Variants in ZNF829 observed in about 807,000 individuals in gnomAD.
The protein encoded by ZNF829 is zinc finger protein 829.
ZNF829 carries 25 observed loss-of-function variants against 35.2 expected under a neutral mutation model. That is an observed-to-expected ratio of 0.71 (90% CI 0.52 to 0.99). The LOEUF is 0.99. Ranked by LOEUF, ZNF829 falls within the 50% of genes least tolerant of loss-of-function variation. The probability of loss-of-function intolerance (pLI) is 0.00; values close to 1 mark genes in which losing one functional copy is unlikely to be tolerated. For synonymous variants in ZNF829, 136 were observed against 163.2 expected (o/e 0.83, Z 1.27); for missense variants, 417 against 515.3 (o/e 0.81, Z 1.85).
At chr19:36,897,805 A>C (rs1192840003) in intron 5 of ZNF829, among the ~76,000 whole-genome samples, 1 of 152,232 alleles carries the variant, frequency 6.6e-6, no homozygotes, top group Non-Finnish European at 1.5e-5. Context: ...AAACCTAAAG[A>C]TGCCACCAGA....
rs756833731 is a variant in ZNF829, at chr19:36,891,580, C to T, written c.1211G>A (p.Gly404Asp). The change falls in exon 6 of 6, where the codon GGT becomes GAT. Residue 404 changes from glycine (G) to aspartate (D), a missense_variant. Gly to Asp is a moderately conservative substitution (Grantham distance 94). Transcript: ENST00000391711. ...NLTRHQRIHT[G>D]EKPYDCKECG... is the part of the protein sequence containing the mutation. ...TTCCTTACAGTCATAGGGTTTCTCA[C>T]CAGTGTGAATTCTCTGATGTCGAGT... The T allele has an allele frequency of 1.2e-6, 2 of 1,613,432 alleles. No individual in the cohort carries two copies. Among genetic ancestry groups the T allele is most frequent in the South Asian group, 1.1e-5 (1 of 90,998 alleles).
At chr19:36,899,684 ACTATAGTTAGTAATACT>A (rs1256485354) in intron 5 of ZNF829, among the ~76,000 whole-genome samples, 3 of 151,286 alleles carry the variant, frequency 2.0e-5, no homozygotes, top group Non-Finnish European at 4.4e-5. Context: ...TAGCAGGAGG[ACTATAGTTAGTAATACT>A]CTATTGTATA....
rs1027874518 is a variant in ZNF829, at chr19:36,916,012, T to C, written c.-86A>G. The C allele has an allele frequency of 3.8e-6, 5 of 1,329,740 alleles. No individual in the cohort carries two copies. The African/African-American group carries it at 7.3e-5, about 20-fold the overall frequency. The allele number at this position is 1,329,740 out of a possible 1,614,324, so 82.4% of individuals were successfully genotyped here. A position where few individuals can be genotyped will look rare whatever the true frequency, so the allele number is the denominator to read the frequency against. ...CTCCTGGGGACCAAAATATCTCACC[T>C]CCCAGATCTAAGGGTCCCGCCAGGA... On this transcript the variant is annotated splice_region_variant and 5_prime_UTR_variant, in exon 1 of 6. Coordinates refer to ENST00000391711, the MANE Select transcript of ZNF829 (RefSeq NM_001037232.4). The surrounding 1 kb of genome is among the most constrained non-coding windows in gnomAD (Gnocchi z 5.3).
intron 3 of ZNF829, among the ~76,000 whole-genome samples, chr19:36,912,496 C>CGATA (rs1282857187): frequency 1.1e-4 from 16 of 152,076 alleles, no homozygotes; most frequent in African/African-American, 3.4e-4. Flanking sequence ...ATCTATAAAG[C>CGATA]GATAATCTTA....
chr19:36,895,406 TC>T (rs2073103144), intron 5 of ZNF829, among the ~76,000 whole-genome samples: 1 of 151,894 alleles, frequency 6.6e-6, no homozygotes. Context: ...GAGAAAGGAC[TC>T]AGATGTAACC....
intron 5 of ZNF829, among the ~76,000 whole-genome samples, chr19:36,897,076 C>T (rs1157416098): frequency 1.3e-5 from 2 of 152,006 alleles, no homozygotes; most frequent in African/African-American, 4.8e-5. Flanking sequence ...AAATGTCTCC[C>T]AACAAAAAAA....
At chr19:36,908,226 A>T in intron 4 of ZNF829, 107 bp downstream of exon 4, 1 of 1,459,626 alleles carries the variant, frequency 6.9e-7, no homozygotes, top group Non-Finnish European at 9.3e-7. Flanking sequence ...TTCCTTAGGG[A>T]ACAGGGAGCA....
intron 5 of ZNF829, 178 bp downstream of exon 5, chr19:36,907,751 A>T (rs1256575388): frequency 3.8e-6 from 2 of 523,590 alleles, no homozygotes; most frequent in African/African-American, 3.9e-5. Context: ...TAATTATAGC[A>T]TAATTGTAGC....
chr19:36,891,789 A>G lies in ZNF829; in HGVS notation c.1002T>C (p.Asn334=), dbSNP rs554063383. The G allele has an allele frequency of 6.2e-6, 10 of 1,614,178 alleles. No homozygotes were observed. In the East Asian group the frequency reaches 1.8e-4, roughly 29 times the overall value. ...YECKQCGKAF[N]SASTLTNHHR... ...GATGGTTAGTAAGTGTTGAGGCACT[A>G]TTAAAGGCCTTCCCACACTGCTTAC... Residue 334 remains asparagine (N), a synonymous_variant, in exon 6 of 6, where the codon AAT becomes AAC. Transcript: ENST00000391711.
intron 5 of ZNF829, among the ~76,000 whole-genome samples, chr19:36,900,005 T>C (rs115430630): frequency 0.014 from 2,073 of 152,080 alleles, 12 homozygotes; most frequent in African/African-American, 0.024. Context: ...TAATTGAACA[T>C]TTAAAAATAA....
At chr19:36,915,905 C>T (rs1373948684) in intron 1 of ZNF829, 106 bp downstream of exon 1, 1 of 1,536,124 alleles carries the variant, frequency 6.5e-7, no homozygotes, top group South Asian at 1.2e-5. Context: ...GCCCAAGGCG[C>T]CAGCTCCCCA....
At position 36,892,450 on chromosome 19, in the gene ZNF829, G is replaced by A. The variant is rs1465140027; in HGVS notation, c.341C>T (p.Thr114Ile). The A allele has an allele frequency of 1.9e-6, 3 of 1,593,056 alleles. No homozygotes were observed. Among genetic ancestry groups the A allele is most frequent in the Middle Eastern group, 1.7e-4 (1 of 5,960 alleles). Residue 114 changes from threonine to isoleucine, a missense_variant, in exon 6 of 6, where the codon ACC (threonine) becomes ATC (isoleucine). Thr to Ile is a moderately conservative substitution (Grantham distance 89). Transcript: ENST00000391711. ...LCSDLESMCE[T>I]KILSLKKRHF... ...TCTCTTCTTTAGAGATAATATTTTGGTCTCACACATTGATTCCAGATCTGA... is the reference window on the plus strand; with the variant it reads ...TCTCTTCTTTAGAGATAATATTTTGATCTCACACATTGATTCCAGATCTGA...
chr19:36,907,966 C>T lies in ZNF829; in HGVS notation c.282G>A (p.Trp94Ter). 1 of 1,614,044 alleles carries T rather than the reference C, an allele frequency of 6.2e-7. No individual in the cohort carries two copies. The highest frequency in any genetic ancestry group is 2.2e-5 in the East Asian group (1 of 44,870). The stretch of plus-strand genomic sequence containing the variant: ...CTCTAGTCAGCTCTCTATCAACCAT[C>T]CAGGGCTCTTTTCCTTGTTCCAATA... ...ISLLEQGKEP[W>*]MVDRELTRGL... Residue 94 changes from tryptophan (W) to a stop codon, truncating the protein, a stop_gained, in exon 5 of 6, where the codon TGG becomes TGA. Coordinates refer to ENST00000391711, the MANE Select transcript of ZNF829 (RefSeq NM_001037232.4). LOFTEE classifies it high-confidence loss of function.
In ZNF829 at chr19:36,891,319, A is replaced by G. The variant is rs944653911; in HGVS notation, c.*173T>C. 1.8e-5 allele frequency: 11 copies of G among 602,078 alleles called. No individual in the cohort carries two copies. In the South Asian group the frequency reaches 4.2e-4, roughly 23 times the overall value. The allele number at this position is 602,078 out of a possible 1,614,324, so 37.3% of individuals were successfully genotyped here. ...CCAGGCTCTAAACTATGAGAGAATA[A>G]ATTTCTCTTGTTTTAAGCCACCAAG... On this transcript the variant is annotated 3_prime_UTR_variant, in exon 6 of 6. Coordinates refer to ENST00000391711, the MANE Select transcript of ZNF829 (RefSeq NM_001037232.4).
intron 5 of ZNF829, chr19:36,902,125 G>C: frequency 6.8e-6 from 2 of 293,042 alleles, no homozygotes; most frequent in East Asian, 7.3e-5. Flanking sequence ...ACTAATCACT[G>C]ATTGTCAAAT....
intron 5 of ZNF829, chr19:36,892,773 G>C (rs2073071284): frequency 2.2e-6 from 1 of 464,404 alleles, no homozygotes; most frequent in Non-Finnish European, 3.6e-6. Flanking sequence ...ATATTATAGA[G>C]AGATTCTAAT....
intron 3 of ZNF829, among the ~76,000 whole-genome samples, chr19:36,908,917 A>G (rs2073241040): frequency 6.6e-6 from 1 of 152,212 alleles, no homozygotes; most frequent in African/African-American, 2.4e-5. Context: ...ATAAAGGAAA[A>G]TAAATTCTGA....
chr19:36,898,501 C>T (rs2073133042), intron 5 of ZNF829, among the ~76,000 whole-genome samples: 1 of 151,986 alleles, frequency 6.6e-6, no homozygotes, highest in African/African-American at 2.4e-5. Flanking sequence ...TTTACATGAA[C>T]AGGAAAAAAA....
At chr19:36,894,661 C>T (rs1292201805) in intron 5 of ZNF829, among the ~76,000 whole-genome samples, 1 of 151,792 alleles carries the variant, frequency 6.6e-6, no homozygotes, top group Non-Finnish European at 1.5e-5. Flanking sequence ...AAATAAAAAA[C>T]ACAATTGAGA....
Sources: gnomAD v4.1 joint callset for allele counts (sites outside exome capture counted in the v4.1 genomes callset) on GRCh38, gnomAD v4.1.1 for gene constraint, Gnocchi (gnomAD v3.1) non-coding constraint, MANE v1.5 for transcripts, NCBI Gene and HGNC (gene_info 2026-07-23, HGNC 2026-07-21) for gene names.